EPB41L4A: variants seen among roughly 807,000 people sequenced by gnomAD.
The protein encoded by EPB41L4A is band 4.1-like protein 4A.
In EPB41L4A, 100 loss-of-function variants were observed where a neutral mutation model predicts 108.6. The ratio of observed to expected loss-of-function variants is 0.92; its 90% CI spans 0.78 to 1.09. EPB41L4A has a LOEUF of 1.09. Ranked by LOEUF, EPB41L4A falls within the 50% of genes least tolerant of loss-of-function variation. The pLI is 0.00. For synonymous variants in EPB41L4A, 319 were observed against 289.0 expected (o/e 1.10, Z -1.05); for missense variants, 1,030 against 842.7 (o/e 1.22, Z -2.75).
intron 13 of EPB41L4A, among the ~76,000 whole-genome samples, chr5:112,208,665 G>T (rs1762585381): frequency 6.6e-6 from 1 of 152,154 alleles, no homozygotes; most frequent in Admixed American, 6.5e-5. Flanking sequence ...CCAAACCTCA[G>T]TGATAAACAA....
At chr5:112,213,694 T>G (rs1747412235) in intron 12 of EPB41L4A, among the ~76,000 whole-genome samples, 1 of 152,122 alleles carries the variant, frequency 6.6e-6, no homozygotes, top group African/African-American at 2.4e-5. Context: ...TATCTCTTCA[T>G]CTGTACTCCC....
At chr5:112,293,578 G>C (rs72781662) in intron 2 of EPB41L4A, among the ~76,000 whole-genome samples, 9,394 of 152,236 alleles carry the variant, frequency 0.062, 325 homozygotes, top group Non-Finnish European at 0.069. Flanking sequence ...AGTTCAAAAT[G>C]TGCCATGGAG....
At chr5:112,361,733 ATAAACTG>A (rs1422431319) in intron 1 of EPB41L4A, among the ~76,000 whole-genome samples, 6 of 151,292 alleles carry the variant, frequency 4.0e-5, no homozygotes, top group African/African-American at 1.5e-4. Context: ...AATAATAATA[ATAAACTG>A]ACTGGGTGTG....
At chr5:112,204,261 G>C (rs1435964306) in intron 15 of EPB41L4A, 114 bp downstream of exon 15, 1 of 648,924 alleles carries the variant, frequency 1.5e-6, no homozygotes, top group Admixed American at 2.3e-5. Context: ...TAAGCTGCTT[G>C]TTATCTTGGA....
At chr5:112,400,507 G>A (rs528594455) in intron 1 of EPB41L4A, among the ~76,000 whole-genome samples, 2 of 152,230 alleles carry the variant, frequency 1.3e-5, no homozygotes, top group East Asian at 3.9e-4. Context: ...AGGCAAAGGG[G>A]GAGCAGGCAG....
chr5:112,186,166 G>A (rs1761418344), intron 17 of EPB41L4A, among the ~76,000 whole-genome samples: 1 of 152,178 alleles, frequency 6.6e-6, no homozygotes, highest in South Asian at 2.1e-4. Flanking sequence ...CAGTTGATGG[G>A]CAGAACGAAA....
At chr5:112,352,727 G>A (rs763967565) in intron 1 of EPB41L4A, among the ~76,000 whole-genome samples, 2 of 152,166 alleles carry the variant, frequency 1.3e-5, no homozygotes, top group Non-Finnish European at 2.9e-5. Flanking sequence ...AGCTGTAGTT[G>A]TAGTTGTTAA....
At chr5:112,192,319 C>A (rs961163508) in intron 17 of EPB41L4A, 2 of 152,192 alleles carry the variant, frequency 1.3e-5, no homozygotes, top group African/African-American at 2.4e-5. Context: ...GGGATCAGAA[C>A]TGAAAGCTAT....
At chr5:112,352,012 C>T (rs77569517) in intron 1 of EPB41L4A, among the ~76,000 whole-genome samples, 1,658 of 152,208 alleles carry the variant, frequency 0.011, 29 homozygotes, top group African/African-American at 0.038. Flanking sequence ...ATAATAACGG[C>T]CATGTATGAC....
intron 12 of EPB41L4A, among the ~76,000 whole-genome samples, chr5:112,151,942 G>C (rs1027352269): frequency 6.6e-6 from 1 of 152,084 alleles, no homozygotes; most frequent in Non-Finnish European, 1.5e-5. Flanking sequence ...ATGTTGGCCA[G>C]GCTGGTCTTG....
intron 12 of EPB41L4A, among the ~76,000 whole-genome samples, chr5:112,223,587 A>C (rs1359838984): frequency 6.6e-6 from 1 of 152,198 alleles, no homozygotes; most frequent in African/African-American, 2.4e-5. Context: ...GGGTAAAAAA[A>C]CAGGTAAATT....
chr5:112,353,161 G>A (rs1296652760), intron 1 of EPB41L4A, among the ~76,000 whole-genome samples: 1 of 152,150 alleles, frequency 6.6e-6, no homozygotes, highest in East Asian at 1.9e-4. Context: ...AGGCCTTGCT[G>A]GGGACAAGGA....
At chr5:112,310,003 A>T (rs1561559736) in intron 1 of EPB41L4A, among the ~76,000 whole-genome samples, 1 of 152,182 alleles carries the variant, frequency 6.6e-6, no homozygotes, top group Non-Finnish European at 1.5e-5. Context: ...CTTCCCCATC[A>T]TCCTCAGATA....
At chr5:112,202,133 C>A (rs575159964) in intron 15 of EPB41L4A, among the ~76,000 whole-genome samples, 1 of 152,270 alleles carries the variant, frequency 6.6e-6, no homozygotes, top group African/African-American at 2.4e-5. Flanking sequence ...CTAGTTGTAC[C>A]TGTGGCATCA....
chr5:112,329,021 G>T (rs912247664), intron 1 of EPB41L4A, among the ~76,000 whole-genome samples: 1 of 152,210 alleles, frequency 6.6e-6, no homozygotes. Flanking sequence ...CTTGAACAGT[G>T]TGTGTTTAAC....
chr5:112,194,720 T>C, intron 16 of EPB41L4A, 75 bp from the exon 17 acceptor site: 1 of 873,690 alleles, frequency 1.1e-6, no homozygotes, highest in Non-Finnish European at 1.8e-6. Context: ...AAGGTTTATA[T>C]GGGTCCTCTG....
chr5:112,205,606 G>A, intron 13 of EPB41L4A, 102 bp from the exon 14 acceptor site: 1 of 880,490 alleles, frequency 1.1e-6, no homozygotes, highest in South Asian at 1.7e-5. Context: ...ATGTTAAGAT[G>A]TGCACACTTA....
intron 1 of EPB41L4A, among the ~76,000 whole-genome samples, chr5:112,406,300 A>G (rs745531178): frequency 4.6e-5 from 7 of 152,216 alleles, no homozygotes; most frequent in Non-Finnish European, 1.0e-4. Flanking sequence ...TCTTCAGGCA[A>G]TAAGAAGAGT....
chr5:112,336,133 C>T (rs984331086), intron 1 of EPB41L4A, among the ~76,000 whole-genome samples: 1 of 152,140 alleles, frequency 6.6e-6, no homozygotes. Flanking sequence ...GAGGGAAACA[C>T]AAGTGAAGGC....
Sources: allele counts gnomAD v4.1 joint callset (sites outside exome capture counted in the v4.1 genomes callset), GRCh38; gene constraint gnomAD v4.1.1; transcripts MANE v1.5; gene names NCBI Gene and HGNC (gene_info 2026-07-23, HGNC 2026-07-21).